The following OSBP2 variants were observed in gnomAD, a reference collection of about 807,000 sequenced individuals.
The protein encoded by OSBP2 is oxysterol-binding protein 2.
OSBP2 carries 66 observed loss-of-function variants against 96.0 expected under a neutral mutation model. The observed-to-expected ratio is 0.69, with a 90% CI of 0.56 to 0.84. The LOEUF (loss-of-function observed/expected upper bound fraction) is 0.84. Ranked by LOEUF, OSBP2 falls within the 40% of genes least tolerant of loss-of-function variation. The probability of loss-of-function intolerance (pLI) is 0.00; values close to 1 mark genes in which losing one functional copy is unlikely to be tolerated. For synonymous variants in OSBP2, 525 were observed against 520.9 expected (o/e 1.01, Z -0.11); for missense variants, 1,038 against 1,222.7 (o/e 0.85, Z 2.25).
chr22:30,864,727 C>T (rs1242771232), intron 2 of OSBP2, among the ~76,000 whole-genome samples: 1 of 152,156 alleles, frequency 6.6e-6, no homozygotes, highest in Admixed American at 6.5e-5. Flanking sequence ...TCCCCCAAAA[C>T]TCATCCAGCC....
At chr22:30,744,314 G>A (rs928599597) in intron 2 of OSBP2, among the ~76,000 whole-genome samples, 33 of 152,204 alleles carry the variant, frequency 2.2e-4, no homozygotes, top group Admixed American at 1.8e-3. Context: ...GCCTAATGTC[G>A]CTCTCCTTGG....
At chr22:30,727,635 C>T (rs1346491144) in intron 1 of OSBP2, among the ~76,000 whole-genome samples, 1 of 152,124 alleles carries the variant, frequency 6.6e-6, no homozygotes, top group East Asian at 1.9e-4. Context: ...CCCCTAAGAA[C>T]CAGTCATTGT....
At chr22:30,780,050 C>T (rs1202814349) in intron 2 of OSBP2, among the ~76,000 whole-genome samples, 1 of 152,212 alleles carries the variant, frequency 6.6e-6, no homozygotes, top group Non-Finnish European at 1.5e-5. Context: ...GAAGCAAAAA[C>T]CTTTCATCTA....
At chr22:30,839,512 T>A (rs2038703570) in intron 2 of OSBP2, among the ~76,000 whole-genome samples, 3 of 150,524 alleles carry the variant, frequency 2.0e-5, no homozygotes, top group Non-Finnish European at 3.0e-5. Context: ...CAGCACCTGT[T>A]GTTTCCTGAC....
chr22:30,902,256 T>C (rs2040230274), intron 12 of OSBP2: 3 of 1,579,700 alleles, frequency 1.9e-6, no homozygotes. Flanking sequence ...CCTTTTAATA[T>C]GGTTCAGGGC....
intron 2 of OSBP2, among the ~76,000 whole-genome samples, chr22:30,756,963 C>G (rs150709101): frequency 6.6e-6 from 1 of 151,974 alleles, no homozygotes; most frequent in East Asian, 1.9e-4. Context: ...CTCCTCAAAC[C>G]CAGGGTATCT....
intron 2 of OSBP2, among the ~76,000 whole-genome samples, chr22:30,793,280 C>T (rs1602271480): frequency 6.6e-6 from 1 of 152,088 alleles, no homozygotes; most frequent in Non-Finnish European, 1.5e-5. Flanking sequence ...ATCCCAGCTA[C>T]TCAGGAGGCT....
chr22:30,894,021 G>A lies in OSBP2; in HGVS notation c.2375+20G>A, dbSNP rs1000427164. 6.3e-7 allele frequency: 1 copy of A among 1,575,102 alleles called. No individual in the cohort carries two copies. Among genetic ancestry groups the A allele is most frequent in the East Asian group, 2.3e-5 (1 of 43,694 alleles). On this transcript the variant is annotated intron_variant, in intron 12 of 13. Transcript: ENST00000332585. ...GCTGCCGTGAGTAGGGCTGGCAGGG[G>A]CCCCGCCACAGGCAAAGGAGAGGGA...
intron 12 of OSBP2, among the ~76,000 whole-genome samples, chr22:30,902,995 GT>G (rs1569176747): frequency 6.6e-6 from 1 of 152,010 alleles, no homozygotes; most frequent in Non-Finnish European, 1.5e-5. Context: ...CTGTTTGTGC[GT>G]TTTTTTCTTT....
Position 30,884,938 on chromosome 22 carries a change from G to T in OSBP2, c.1108-2488G>T, listed in dbSNP as rs946860500. ...AGGCATCTGAGCGGTTCTGACTGAG[G>T]GGCAGGCCGTTGCCTGGGAGAGCGA... is the stretch of plus-strand genomic sequence containing the variant. On this transcript the variant is annotated intron_variant, in intron 3 of 13. Coordinates refer to ENST00000332585, the MANE Select transcript of OSBP2 (RefSeq NM_030758.4). Among the ~76,000 whole-genome samples, 6 of 152,210 alleles carry T rather than the reference G, an allele frequency of 3.9e-5. No homozygotes were observed. In the East Asian group the frequency reaches 1.2e-3, roughly 29 times the overall value.
intron 2 of OSBP2, among the ~76,000 whole-genome samples, chr22:30,795,607 C>T (rs1340582385): frequency 2.6e-5 from 4 of 151,138 alleles, no homozygotes; most frequent in African/African-American, 7.3e-5. Context: ...ACAACCTCCG[C>T]CTCCCAGGTT....
intron 2 of OSBP2, among the ~76,000 whole-genome samples, chr22:30,838,973 TCCCCCCTCCCCC>T (rs1569144955): frequency 1.8e-5 from 2 of 114,008 alleles, no homozygotes; most frequent in African/African-American, 6.7e-5. Flanking sequence ...ATACCTAATC[TCCCCCCTCCCCC>T]CACCCTTCCC....
rs2040010247 is a variant in OSBP2, at chr22:30,893,934, G to A, written c.2308G>A (p.Asp770Asn). ...TAGCAGTCCCAGCAGCCCCAGCTCTGACGGGAAGCAGAAGACAGTGTACCA... is the reference window on the plus strand; with the variant it reads ...TAGCAGTCCCAGCAGCCCCAGCTCTAACGGGAAGCAGAAGACAGTGTACCA... ...MHSSPSSPSS[D>N]GKQKTVYQTL... The change falls in exon 12 of 14, where the codon GAC becomes AAC. Residue 770 changes from aspartate to asparagine, a missense_variant. Asp to Asn is a conservative substitution (Grantham distance 23). Around this residue, in one of 3 missense-constraint regions of OSBP2, gnomAD observed 737 missense variants for 913.3 expected, o/e 0.81. Coordinates refer to ENST00000332585, the MANE Select transcript of OSBP2 (RefSeq NM_030758.4). 1.9e-6 allele frequency: 3 copies of A among 1,598,278 alleles called. No individual in the cohort carries two copies. The highest frequency in any genetic ancestry group is 3.5e-5 in the Admixed American group (2 of 57,244).
At chr22:30,852,202 C>T (rs1032245694) in intron 2 of OSBP2, among the ~76,000 whole-genome samples, 1 of 152,076 alleles carries the variant, frequency 6.6e-6, no homozygotes, top group Non-Finnish European at 1.5e-5. Flanking sequence ...GTTTCTACCC[C>T]CTATTTTCTG....
At chr22:30,904,497 C>G (rs1027674260) in intron 12 of OSBP2, among the ~76,000 whole-genome samples, 2 of 152,172 alleles carry the variant, frequency 1.3e-5, no homozygotes, top group Admixed American at 1.3e-4. Context: ...GAATGGAATT[C>G]CAAACACAAC....
intron 2 of OSBP2, among the ~76,000 whole-genome samples, chr22:30,808,103 T>C (rs115204551): frequency 6.6e-6 from 1 of 152,152 alleles, no homozygotes; most frequent in Non-Finnish European, 1.5e-5. Context: ...CAAATTTTAC[T>C]GCAGGCCAGG....
intron 2 of OSBP2, among the ~76,000 whole-genome samples, chr22:30,746,328 G>A (rs1233578835): frequency 2.6e-5 from 4 of 152,018 alleles, no homozygotes; most frequent in African/African-American, 9.7e-5. Context: ...AGAGCCTGAG[G>A]TGGGAGGATT....
At chr22:30,900,951 G>A (rs923631239) in intron 12 of OSBP2, among the ~76,000 whole-genome samples, 8 of 152,090 alleles carry the variant, frequency 5.3e-5, no homozygotes, top group African/African-American at 1.2e-4. Context: ...GTGAAAAGAC[G>A]ATGCATAAAC....
Position 30,906,254 on chromosome 22 carries a change from C to G in OSBP2, c.2666C>G (p.Thr889Ser). The change falls in exon 14 of 14, where the codon ACC becomes AGC. Residue 889 changes from threonine to serine, a missense_variant. Physicochemically the swap from Thr to Ser is moderately conservative, Grantham distance 58. Coordinates refer to ENST00000332585, the MANE Select transcript of OSBP2 (RefSeq NM_030758.4). ...LWFEKRLDPLTGEMACVYKGG... is the reference protein window; with the variant it reads ...LWFEKRLDPLSGEMACVYKGG... ...TTTGAGAAGAGGCTGGATCCGCTGA[C>G]CGGGGAGATGGCCTGTGTGTACAAG... 1 of 1,614,184 alleles carries G rather than the reference C, an allele frequency of 6.2e-7. No homozygotes were observed. The highest frequency in any genetic ancestry group is 8.5e-7 in the Non-Finnish European group (1 of 1,180,024).
Sources: allele counts gnomAD v4.1 joint callset (sites outside exome capture counted in the v4.1 genomes callset), GRCh38; gene constraint gnomAD v4.1.1; regional missense constraint gnomAD v4.1.1; transcripts MANE v1.5; gene names NCBI Gene and HGNC (gene_info 2026-07-23, HGNC 2026-07-21).